EPB41L4A: variants seen among roughly 807,000 people sequenced by gnomAD.
The protein encoded by EPB41L4A is erythrocyte membrane protein band 4.1 like 4A, also known as band 4.1-like protein 4A.
Under a neutral mutation model 108.6 loss-of-function variants are expected in EPB41L4A, and 100 were observed. That is an observed-to-expected ratio of 0.92 (90% CI 0.78 to 1.09). EPB41L4A has a LOEUF of 1.09. EPB41L4A is among the 50% of genes least tolerant of loss of function. The pLI is 0.00. For synonymous variants in EPB41L4A, 319 were observed against 289.0 expected, an observed-to-expected ratio of 1.10 and a Z score of -1.05; for missense variants, 1,030 against 842.7, an observed-to-expected ratio of 1.22 and a Z score of -2.75.
chr5:112,152,789 T>C (rs1759516375), intron 12 of EPB41L4A, among the ~76,000 whole-genome samples: 1 of 152,070 alleles, frequency 6.6e-6, no homozygotes, highest in Non-Finnish European at 1.5e-5. Context: ...TAAAAGTTCA[T>C]GTGAAATCAT....
intron 12 of EPB41L4A, among the ~76,000 whole-genome samples, chr5:112,219,112 T>A (rs1747858035): frequency 6.6e-6 from 1 of 152,230 alleles, no homozygotes; most frequent in African/African-American, 2.4e-5. Flanking sequence ...CTACAAAATT[T>A]ATCCCTAATA....
intron 1 of EPB41L4A, among the ~76,000 whole-genome samples, chr5:112,398,641 G>A (rs761473025): frequency 1.3e-4 from 19 of 151,914 alleles, no homozygotes; most frequent in Non-Finnish European, 2.1e-4. Context: ...CTCCTGCCTC[G>A]GCCTCCCAAA....
Position 112,353,631 on chromosome 5 carries a change from G to C in EPB41L4A, c.100-46141C>G, listed in dbSNP as rs112202630. 9.1e-3 allele frequency among the ~76,000 whole-genome samples: 1,387 copies of C among 152,300 alleles called. 5 individuals are homozygous for C. The highest frequency in any genetic ancestry group is 0.02 in the Middle Eastern group (6 of 294). ...GGTACACATGGCAGGGTTATCCCCA[G>C]GTTTCCAAGAGGTATAATTAGGCAA... On this transcript the variant is annotated intron_variant, in intron 1 of 22. Coordinates refer to ENST00000261486, the MANE Select transcript of EPB41L4A (RefSeq NM_022140.5).
intron 1 of EPB41L4A, among the ~76,000 whole-genome samples, chr5:112,395,316 G>A (rs1761255930): frequency 6.6e-6 from 1 of 152,126 alleles, no homozygotes; most frequent in Non-Finnish European, 1.5e-5. Flanking sequence ...GCAACCTACA[G>A]AATGGGAGAA....
intron 2 of EPB41L4A, among the ~76,000 whole-genome samples, chr5:112,283,845 C>A (rs1489275952): frequency 6.6e-6 from 1 of 152,098 alleles, no homozygotes; most frequent in East Asian, 1.9e-4. Flanking sequence ...AAGATGAATA[C>A]ATATGAGATA....
At chr5:112,410,392 T>C (rs936239899) in intron 1 of EPB41L4A, among the ~76,000 whole-genome samples, 1 of 152,162 alleles carries the variant, frequency 6.6e-6, no homozygotes, top group African/African-American at 2.4e-5. Flanking sequence ...TGGTTAATGC[T>C]GGAAGCAGGG....
At chr5:112,159,005 T>G (rs542796193), downstream of EPB41L4A, among the ~76,000 whole-genome samples, 16 of 152,370 alleles carry the variant, frequency 1.1e-4, no homozygotes, top group African/African-American at 3.4e-4. Flanking sequence ...AACTTCCTTT[T>G]GCCCCAGATG....
intron 1 of EPB41L4A, among the ~76,000 whole-genome samples, chr5:112,407,146 A>G (rs1198606159): frequency 2.6e-5 from 4 of 152,092 alleles, no homozygotes; most frequent in African/African-American, 4.8e-5. Context: ...GATTTTGTGA[A>G]GCTACCACAT....
At chr5:112,224,013 G>A (rs973092281) in intron 12 of EPB41L4A, among the ~76,000 whole-genome samples, 2 of 152,154 alleles carry the variant, frequency 1.3e-5, no homozygotes, top group South Asian at 2.1e-4. Flanking sequence ...GTGCAGTGGC[G>A]CGATCTCGGC....
chr5:112,168,455 GTTTC>G (rs1175514580), intron 22 of EPB41L4A, among the ~76,000 whole-genome samples: 1 of 152,124 alleles, frequency 6.6e-6, no homozygotes, highest in Non-Finnish European at 1.5e-5. Flanking sequence ...TGAAACAATT[GTTTC>G]TTTATTCTGG....
intron 12 of EPB41L4A, among the ~76,000 whole-genome samples, chr5:112,217,770 A>T (rs1747757192): frequency 6.6e-6 from 1 of 152,212 alleles, no homozygotes; most frequent in Non-Finnish European, 1.5e-5. Flanking sequence ...TTTACTAGAT[A>T]TACATAGACT....
At chr5:112,290,729 G>A (rs983223676) in intron 2 of EPB41L4A, among the ~76,000 whole-genome samples, 1 of 152,146 alleles carries the variant, frequency 6.6e-6, no homozygotes, top group African/African-American at 2.4e-5. Flanking sequence ...TATACAGGTG[G>A]TTAAGTTAGG....
intron 2 of EPB41L4A, among the ~76,000 whole-genome samples, chr5:112,287,993 A>C (rs920202034): frequency 2.0e-5 from 3 of 152,254 alleles, no homozygotes; most frequent in Non-Finnish European, 4.4e-5. Context: ...GTTTGAAAAT[A>C]AAACTTTCGC....
intron 12 of EPB41L4A, among the ~76,000 whole-genome samples, chr5:112,213,608 C>G (rs1445797945): frequency 6.6e-6 from 1 of 152,176 alleles, no homozygotes; most frequent in East Asian, 1.9e-4. Flanking sequence ...ATCACCTCAG[C>G]CTCCCAAGGT....
At chr5:112,257,209 G>A (rs934515511) in intron 9 of EPB41L4A, 1 of 152,130 alleles carries the variant, frequency 6.6e-6, no homozygotes, top group African/African-American at 2.4e-5. Flanking sequence ...TACCCTGGTG[G>A]AGAAAGAGAA....
chr5:112,283,829 T>G (rs915082259), intron 2 of EPB41L4A, among the ~76,000 whole-genome samples: 3 of 152,150 alleles, frequency 2.0e-5, no homozygotes, highest in African/African-American at 7.2e-5. Context: ...CAATAATTAC[T>G]TATATAAGAT....
intron 12 of EPB41L4A, among the ~76,000 whole-genome samples, chr5:112,148,052 A>G (rs1049162104): frequency 7.3e-5 from 11 of 150,668 alleles, no homozygotes; most frequent in Non-Finnish European, 1.3e-4. Context: ...ATTAAAAAAT[A>G]AACGCAAACA....
chr5:112,342,627 G>C (rs1461331456), intron 1 of EPB41L4A, among the ~76,000 whole-genome samples: 1 of 152,194 alleles, frequency 6.6e-6, no homozygotes, highest in Admixed American at 6.5e-5. Context: ...AGAGCAGTCA[G>C]CAGTCAGCAG....
chr5:112,265,793 C>A (rs1013883022), intron 5 of EPB41L4A, among the ~76,000 whole-genome samples: 5 of 152,184 alleles, frequency 3.3e-5, no homozygotes, highest in African/African-American at 1.2e-4. Context: ...ACATGAAGAG[C>A]TGAAGAGCAC....
Sources: allele counts gnomAD v4.1 joint callset (sites outside exome capture counted in the v4.1 genomes callset), GRCh38; gene constraint gnomAD v4.1.1; transcripts MANE v1.5; gene names NCBI Gene and HGNC (gene_info 2026-07-23, HGNC 2026-07-21).